Variants in DIAPH3 observed in about 807,000 individuals in gnomAD.
DIAPH3 encodes the protein diaphanous related formin 3, also known as protein diaphanous homolog 3.
A neutral mutation model predicts 144.3 loss-of-function variants in DIAPH3; 117 were observed. That is an observed-to-expected ratio of 0.81 (90% CI 0.70 to 0.95). DIAPH3 has a LOEUF of 0.95. Ranked by LOEUF, DIAPH3 falls within the 40% of genes least tolerant of loss-of-function variation. The pLI is 0.00. For missense variants in DIAPH3, 1,421 were observed against 1,412.7 expected, an observed-to-expected ratio of 1.01 and a Z score of -0.09; for synonymous variants, 519 against 488.9, an observed-to-expected ratio of 1.06 and a Z score of -0.81.
At chr13:59,973,233 T>A (rs2050487715) in intron 15 of DIAPH3, among the ~76,000 whole-genome samples, 1 of 152,120 alleles carries the variant, frequency 6.6e-6, no homozygotes, top group Non-Finnish European at 1.5e-5. Context: ...TAAACTGGAA[T>A]TTTCTGGAGA....
At chr13:59,948,739 G>T (rs1056593251) in intron 17 of DIAPH3, among the ~76,000 whole-genome samples, 1 of 152,116 alleles carries the variant, frequency 6.6e-6, no homozygotes, top group Admixed American at 6.5e-5. Context: ...GGGGTTGTAG[G>T]TGTGAGCTAC....
At chr13:60,153,991 G>C (rs1035150295) in intron 1 of DIAPH3, among the ~76,000 whole-genome samples, 9 of 151,944 alleles carry the variant, frequency 5.9e-5, no homozygotes, top group African/African-American at 2.2e-4. Context: ...AACTTGCTCT[G>C]ACCATTCAGT....
intron 18 of DIAPH3, among the ~76,000 whole-genome samples, chr13:59,921,309 T>C (rs533789834): frequency 2.0e-5 from 3 of 150,126 alleles, no homozygotes; most frequent in African/African-American, 7.3e-5. Flanking sequence ...AACCAAAAAT[T>C]TCATTTTTGG....
At position 59,839,306 on chromosome 13, in the gene DIAPH3, T is replaced by A; in HGVS notation, c.2862+18A>T. 6.2e-7 allele frequency: 1 copy of A among 1,612,536 alleles called. No individual in the cohort carries two copies. Among genetic ancestry groups the A allele is most frequent in the Non-Finnish European group, 8.5e-7 (1 of 1,179,046 alleles). On this transcript the variant is annotated intron_variant, in intron 23 of 27. Coordinates refer to ENST00000400324, the MANE Select transcript of DIAPH3 (RefSeq NM_001042517.2). ...TAGTTGACTAGTGACTTAAGTTATT[T>A]AGCTATCAAAAGGATATGGACATCT...
intron 20 of DIAPH3, among the ~76,000 whole-genome samples, chr13:59,893,580 T>A (rs1468020153): frequency 6.6e-6 from 1 of 151,952 alleles, no homozygotes; most frequent in Non-Finnish European, 1.5e-5. Context: ...GTTTTATATC[T>A]ATCTTTAAAA....
intron 20 of DIAPH3, among the ~76,000 whole-genome samples, chr13:59,880,432 C>G (rs1163331824): frequency 2.0e-5 from 3 of 151,920 alleles, no homozygotes; most frequent in Non-Finnish European, 4.4e-5. Context: ...AAAGCAGTGA[C>G]AGATTAAAAT....
intron 27 of DIAPH3, among the ~76,000 whole-genome samples, chr13:59,671,025 CTTA>C (rs964496370): frequency 1.6e-4 from 25 of 152,302 alleles, no homozygotes; most frequent in African/African-American, 5.8e-4. Context: ...ATATAGAAAT[CTTA>C]TTATAATGTG....
intron 20 of DIAPH3, among the ~76,000 whole-genome samples, chr13:59,892,815 A>G (rs2045887740): frequency 6.6e-6 from 1 of 152,098 alleles, no homozygotes; most frequent in African/African-American, 2.4e-5. Flanking sequence ...AAAATGGTCT[A>G]AACACTTCAA....
At chr13:60,128,632 C>A (rs1217764434) in intron 2 of DIAPH3, among the ~76,000 whole-genome samples, 1 of 152,170 alleles carries the variant, frequency 6.6e-6, no homozygotes, top group Non-Finnish European at 1.5e-5. Flanking sequence ...GGCTTTCCTA[C>A]ATGCAACTAC....
At chr13:59,944,946 G>A (rs896301429) in intron 17 of DIAPH3, among the ~76,000 whole-genome samples, 5 of 151,906 alleles carry the variant, frequency 3.3e-5, no homozygotes, top group Admixed American at 1.3e-4. Flanking sequence ...TCCCTCTTGC[G>A]GGCCAGCAAC....
chr13:59,953,260 T>C (rs73212272), intron 17 of DIAPH3, among the ~76,000 whole-genome samples: 1 of 151,994 alleles, frequency 6.6e-6, no homozygotes, highest in Non-Finnish European at 1.5e-5. Flanking sequence ...GGGTACATCA[T>C]GAAGGTTGCC....
intron 22 of DIAPH3, among the ~76,000 whole-genome samples, chr13:59,842,230 A>G (rs2042390335): frequency 6.6e-6 from 1 of 151,958 alleles, no homozygotes; most frequent in South Asian, 2.1e-4. Flanking sequence ...ATTTTTAAGT[A>G]CTATATATAT....
At chr13:60,104,937 T>C (rs1594677722) in intron 3 of DIAPH3, among the ~76,000 whole-genome samples, 2 of 151,510 alleles carry the variant, frequency 1.3e-5, no homozygotes, top group South Asian at 2.1e-4. Context: ...CTGCTAAAAA[T>C]ACAAAAAAAT....
chr13:60,135,759 T>C (rs1455807034), intron 1 of DIAPH3, among the ~76,000 whole-genome samples: 7 of 152,216 alleles, frequency 4.6e-5, no homozygotes, highest in Non-Finnish European at 8.8e-5. Flanking sequence ...AGAGATTACA[T>C]AGTTATGTAC....
At chr13:59,720,854 C>T (rs1035265360) in intron 27 of DIAPH3, among the ~76,000 whole-genome samples, 1 of 152,120 alleles carries the variant, frequency 6.6e-6, no homozygotes, top group Admixed American at 6.6e-5. Flanking sequence ...AACTCATTTT[C>T]CTCTGCAAGT....
chr13:60,124,805 G>A (rs2058944263), intron 2 of DIAPH3, among the ~76,000 whole-genome samples: 1 of 151,888 alleles, frequency 6.6e-6, no homozygotes, highest in African/African-American at 2.4e-5. Flanking sequence ...TTGCACCACT[G>A]CCCTGGGTGA....
At chr13:59,784,377 A>G (rs1312302679) in intron 25 of DIAPH3, among the ~76,000 whole-genome samples, 1 of 102,784 alleles carries the variant, frequency 9.7e-6, no homozygotes, top group African/African-American at 3.3e-5. Flanking sequence ...CACTATGCCC[A>G]GCCTATATTA....
rs1482188152 is a variant in DIAPH3 at position 59,879,468 on chromosome 13, T to A, written c.2368A>T (p.Met790Leu). The A allele has an allele frequency of 6.2e-7, 1 of 1,613,514 alleles. No individual in the cohort carries two copies. The highest frequency in any genetic ancestry group is 8.5e-7 in the Non-Finnish European group (1 of 1,179,718). Residue 790 changes from methionine (M) to leucine (L), a missense_variant and splice_region_variant, in exon 21 of 28, where the codon ATG (methionine) becomes TTG (leucine). Physicochemically the swap from Met to Leu is conservative, Grantham distance 15 (BLOSUM62 2). Coordinates refer to ENST00000400324, the MANE Select transcript of DIAPH3 (RefSeq NM_001042517.2). ...LCEPEQFVVV[M>L]SNVKRLRPRL... ...GGCCGTAGTCTCTTCACATTGCTCA[T>A]CTGATTGAAAAGAAAACAGCAGATT...
chr13:59,803,165 CATT>C (rs1226238872), intron 25 of DIAPH3, among the ~76,000 whole-genome samples: 2 of 152,122 alleles, frequency 1.3e-5, no homozygotes, highest in Non-Finnish European at 2.9e-5. Context: ...ATGTGGCTGA[CATT>C]ATCAAAGTTA....
Sources: allele counts gnomAD v4.1 joint callset (sites outside exome capture counted in the v4.1 genomes callset), GRCh38; gene constraint gnomAD v4.1.1; transcripts MANE v1.5; gene names NCBI Gene and HGNC (gene_info 2026-07-23, HGNC 2026-07-21).